The following DCDC1 variants were observed in gnomAD, a reference collection of about 807,000 sequenced individuals.
DCDC1 encodes the protein doublecortin domain containing 1.
In DCDC1, 200 loss-of-function variants were observed where a neutral mutation model predicts 178.3. The ratio of observed to expected loss-of-function variants is 1.12; its 90% CI spans 1.00 to 1.26. The LOEUF (loss-of-function observed/expected upper bound fraction) is 1.26, where lower values mean the gene tolerates loss of function less well. Ranked by LOEUF, DCDC1 falls within the 50% of genes most tolerant of loss-of-function variation. The pLI is 0.00. For synonymous variants in DCDC1, 690 were observed against 604.8 expected (o/e 1.14, Z -2.07); for missense variants, 1,983 against 1,749.2 (o/e 1.13, Z -2.38).
intron 20 of DCDC1, among the ~76,000 whole-genome samples, chr11:31,063,784 G>T (rs1956096225): frequency 6.6e-6 from 1 of 152,000 alleles, no homozygotes; most frequent in Non-Finnish European, 1.5e-5. Flanking sequence ...AATATGATAA[G>T]AATTATATGG....
intron 21 of DCDC1, among the ~76,000 whole-genome samples, chr11:30,950,363 G>T (rs1378323443): frequency 6.6e-6 from 1 of 152,026 alleles, no homozygotes. Flanking sequence ...CCAAAAGAAA[G>T]GAAACCAATA....
At chr11:31,335,790 A>C (rs939516120) in intron 1 of DCDC1, among the ~76,000 whole-genome samples, 1 of 152,198 alleles carries the variant, frequency 6.6e-6, no homozygotes, top group African/African-American at 2.4e-5. Context: ...TCCAGGGTGT[A>C]ATCCTGGTCT....
rs1946928060 is a variant in DCDC1, at chr11:30,931,651, T to C, written c.2897+120A>G. On this transcript the variant is annotated intron_variant, in intron 22 of 38. Transcript: ENST00000684477. The stretch of plus-strand genomic sequence containing the variant: ...CTCTATTTTCATCTTCAAATATGAA[T>C]ATGGGAGCCCTTTTGCTAAATAAAT... The C allele has an allele frequency of 1.2e-5, 12 of 998,604 alleles. No individual in the cohort carries two copies. In the South Asian group the frequency reaches 2.6e-4, roughly 21 times the overall value. 61.9% of individuals were successfully genotyped at this position (998,604 alleles called of 1,614,324 possible).
chr11:30,950,215 C>A (rs1948333797), intron 21 of DCDC1, among the ~76,000 whole-genome samples: 1 of 151,884 alleles, frequency 6.6e-6, no homozygotes, highest in South Asian at 2.1e-4. Context: ...GAAAGAGAAA[C>A]CTTTTCTCCC....
At chr11:31,360,160 T>G (rs1951634278) in intron 1 of DCDC1, among the ~76,000 whole-genome samples, 1 of 152,234 alleles carries the variant, frequency 6.6e-6, no homozygotes, top group African/African-American at 2.4e-5. Flanking sequence ...AAGATACAGC[T>G]ATTTATAACT....
intron 20 of DCDC1, among the ~76,000 whole-genome samples, chr11:31,048,373 G>C (rs139733832): frequency 6.6e-6 from 1 of 152,156 alleles, no homozygotes; most frequent in Non-Finnish European, 1.5e-5. Flanking sequence ...TTTAAATCCT[G>C]ATACGAAATT....
intron 36 of DCDC1, among the ~76,000 whole-genome samples, chr11:30,888,164 G>T (rs1434938210): frequency 1.6e-5 from 2 of 122,524 alleles, no homozygotes; most frequent in Non-Finnish European, 3.4e-5. Flanking sequence ...GAAAGAAAGG[G>T]AAAGAAAGAA....
rs1943901799 is a variant in DCDC1 at position 30,892,843 on chromosome 11, T to C, written c.5057A>G (p.Tyr1686Cys). 1 of 1,613,934 alleles carries C rather than the reference T, an allele frequency of 6.2e-7. No individual in the cohort carries two copies. Among genetic ancestry groups the C allele is most frequent in the Non-Finnish European group, 8.5e-7 (1 of 1,179,824 alleles). The change falls in exon 36 of 39, where the codon TAT (tyrosine) becomes TGT (cysteine). Residue 1686 changes from tyrosine (Y) to cysteine (C), a missense_variant. Coordinates refer to ENST00000684477, the MANE Select transcript of DCDC1 (RefSeq NM_001387274.1). Reference sequence around the variant, plus strand: ...CTCTGAAATAGTTTTGCCCCAGGCATAAGTGCCATCTTCAGGTCTGCCTCC... The same window carrying C: ...CTCTGAAATAGTTTTGCCCCAGGCACAAGTGCCATCTTCAGGTCTGCCTCC... ...LNGGRPEDGTYAWGKTISELL... is the reference protein window; with the variant it reads ...LNGGRPEDGTCAWGKTISELL...
At chr11:31,003,267 T>C (rs1313135169) in intron 20 of DCDC1, among the ~76,000 whole-genome samples, 1 of 152,144 alleles carries the variant, frequency 6.6e-6, no homozygotes, top group Non-Finnish European at 1.5e-5. Flanking sequence ...ATGCTTAATA[T>C]GATTGTTGTT....
At chr11:31,341,932 G>A (rs1208271801) in intron 1 of DCDC1, among the ~76,000 whole-genome samples, 1 of 151,908 alleles carries the variant, frequency 6.6e-6, no homozygotes, top group African/African-American at 2.4e-5. Flanking sequence ...AGGTGGAACT[G>A]GTGCCAGAAA....
intron 9 of DCDC1, among the ~76,000 whole-genome samples, chr11:31,182,588 T>C (rs1363751853): frequency 1.3e-5 from 2 of 152,064 alleles, no homozygotes; most frequent in East Asian, 1.9e-4. Flanking sequence ...GCACTAAATA[T>C]GTAAAAACAA....
In DCDC1 at chr11:31,102,276, T is replaced by C. The variant is rs774779444; in HGVS notation, c.1884A>G (p.Glu628=). 1.4e-6 allele frequency: 1 copy of C among 700,604 alleles called. No homozygotes were observed. The highest frequency in any genetic ancestry group is 2.7e-6 in the Non-Finnish European group (1 of 377,228). 43.4% of individuals were successfully genotyped at this position (700,604 alleles called of 1,614,324 possible). ...AVLLPGCGNW[E]VCEGFPINFN... Reference sequence around the variant, plus strand: ...AATTAATTGGAAATCCCTCACAAACTTCCCAACTAAGAAAAGTAAAATACG... The same window carrying C: ...AATTAATTGGAAATCCCTCACAAACCTCCCAACTAAGAAAAGTAAAATACG... Residue 628 remains glutamate, a synonymous_variant, in exon 15 of 39, where the codon GAA becomes GAG. Transcript: ENST00000684477.
intron 13 of DCDC1, among the ~76,000 whole-genome samples, chr11:31,104,987 G>C (rs1165195895): frequency 6.6e-6 from 1 of 152,000 alleles, no homozygotes; most frequent in East Asian, 1.9e-4. Flanking sequence ...TTACAAATGA[G>C]TAGCTTGACC....
chr11:31,023,044 A>G (rs1952989556), intron 20 of DCDC1, among the ~76,000 whole-genome samples: 1 of 152,042 alleles, frequency 6.6e-6, no homozygotes, highest in South Asian at 2.1e-4. Flanking sequence ...CATCAGTACC[A>G]CACAGCAAAG....
chr11:31,005,085 A>C (rs752703319), intron 20 of DCDC1, among the ~76,000 whole-genome samples: 22 of 152,178 alleles, frequency 1.4e-4, no homozygotes, highest in Non-Finnish European at 2.5e-4. Context: ...CAAAAGGTTG[A>C]CTTGCTATTT....
intron 7 of DCDC1, among the ~76,000 whole-genome samples, chr11:31,284,660 A>G (rs1212967748): frequency 6.6e-6 from 1 of 151,360 alleles, no homozygotes; most frequent in Admixed American, 6.6e-5. Context: ...TTTTTTTTAA[A>G]TGGAGTCTTG....
intron 9 of DCDC1, among the ~76,000 whole-genome samples, chr11:31,237,928 C>T (rs1056840626): frequency 2.6e-5 from 4 of 151,944 alleles, no homozygotes; most frequent in Admixed American, 2.6e-4. Flanking sequence ...ATGACTCTTC[C>T]TAATTAAGAT....
At chr11:31,183,914 T>C (rs1969154969) in intron 9 of DCDC1, among the ~76,000 whole-genome samples, 1 of 152,198 alleles carries the variant, frequency 6.6e-6, no homozygotes, top group African/African-American at 2.4e-5. Context: ...ATTGACTTTC[T>C]TCATAGAATT....
At chr11:30,920,630 A>C in intron 25 of DCDC1, 146 bp downstream of exon 25, 1 of 896,294 alleles carries the variant, frequency 1.1e-6, no homozygotes. Context: ...TTTTGCCGGA[A>C]AACTAATTAA....
Sources: gnomAD v4.1 joint callset for allele counts (sites outside exome capture counted in the v4.1 genomes callset) on GRCh38, gnomAD v4.1.1 for gene constraint, MANE v1.5 for transcripts, NCBI Gene and HGNC (gene_info 2026-07-23, HGNC 2026-07-21) for gene names.